The following TSPAN5 variants were observed in gnomAD, a reference collection of about 807,000 sequenced individuals.
TSPAN5 encodes tetraspanin 5.
TSPAN5 carries 10 observed loss-of-function variants against 37.1 expected under a neutral mutation model. That is an observed-to-expected ratio of 0.27 (90% CI 0.17 to 0.46). TSPAN5 has a LOEUF of 0.46. Among genes scored for constraint, TSPAN5 ranks in the 20% least tolerant of loss-of-function variants. The probability of loss-of-function intolerance (pLI) is 1.00; values close to 1 mark genes in which losing one functional copy is unlikely to be tolerated. For missense variants in TSPAN5, 195 were observed against 326.6 expected (o/e 0.60, Z 3.11); for synonymous variants, 110 against 118.9 (o/e 0.93, Z 0.48).
intron 2 of TSPAN5, among the ~76,000 whole-genome samples, chr4:98,504,210 G>C (rs1281402372): frequency 6.6e-6 from 1 of 152,094 alleles, no homozygotes; most frequent in Non-Finnish European, 1.5e-5. Context: ...CCAGTTTGGG[G>C]ATTTACCCTC....
chr4:98,626,886 G>GTTTTTTTTTT (rs34770397), intron 1 of TSPAN5, among the ~76,000 whole-genome samples: 2 of 83,482 alleles, frequency 2.4e-5, no homozygotes, highest in African/African-American at 5.0e-5. Flanking sequence ...ATGAGAGCAG[G>GTTTTTTTTTT]TTTTTTTTTT....
At chr4:98,502,474 C>G (rs930318378) in intron 2 of TSPAN5, among the ~76,000 whole-genome samples, 4 of 152,102 alleles carry the variant, frequency 2.6e-5, no homozygotes, top group Non-Finnish European at 5.9e-5. Context: ...TCCTGGAAGC[C>G]AAGTGAGGAA....
chr4:98,619,922 A>G (rs11946198), intron 1 of TSPAN5, among the ~76,000 whole-genome samples: 87,336 of 151,824 alleles, frequency 0.58, 26,498 homozygotes, highest in African/African-American at 0.77. Context: ...CACTAATCCA[A>G]TTTCACCCTT....
At chr4:98,598,526 G>T (rs1484922956) in intron 1 of TSPAN5, among the ~76,000 whole-genome samples, 1 of 151,842 alleles carries the variant, frequency 6.6e-6, no homozygotes, top group Non-Finnish European at 1.5e-5. Context: ...GTGCAGTGGC[G>T]CGGTCTGTGC....
At chr4:98,633,909 G>A (rs780319796) in intron 1 of TSPAN5, among the ~76,000 whole-genome samples, 5 of 151,854 alleles carry the variant, frequency 3.3e-5, no homozygotes, top group East Asian at 1.9e-4. Context: ...GAGAAACCTC[G>A]TCTCTACTAA....
intron 2 of TSPAN5, among the ~76,000 whole-genome samples, chr4:98,502,968 G>C (rs1753387499): frequency 6.6e-6 from 1 of 151,834 alleles, no homozygotes; most frequent in South Asian, 2.1e-4. Context: ...TGGCATGGTG[G>C]GGCAAAAGGA....
At chr4:98,608,328 C>G (rs1756088649) in intron 1 of TSPAN5, among the ~76,000 whole-genome samples, 1 of 152,258 alleles carries the variant, frequency 6.6e-6, no homozygotes, top group South Asian at 2.1e-4. Context: ...GATGTGTACC[C>G]TCACACAATG....
At chr4:98,531,685 T>C (rs1754093869) in intron 1 of TSPAN5, among the ~76,000 whole-genome samples, 1 of 152,192 alleles carries the variant, frequency 6.6e-6, no homozygotes. Context: ...CCACCAACAG[T>C]GTAAAAGCAT....
chr4:98,509,932 C>G (rs1353990897), intron 1 of TSPAN5: 2 of 152,214 alleles, frequency 1.3e-5, no homozygotes, highest in Admixed American at 6.5e-5. Context: ...AGTGAAATGG[C>G]TGACTTTCCA....
At chr4:98,646,067 A>G (rs1053892955) in intron 1 of TSPAN5, among the ~76,000 whole-genome samples, 2 of 151,984 alleles carry the variant, frequency 1.3e-5, no homozygotes, top group African/African-American at 4.8e-5. Context: ...TGGAAATGTG[A>G]CAGCCCACGT....
chr4:98,476,610 T>G (rs1268321132), intron 5 of TSPAN5, 150 bp from the exon 6 acceptor site: 1 of 671,274 alleles, frequency 1.5e-6, no homozygotes, highest in East Asian at 2.7e-5. Context: ...TTTATATACA[T>G]GATCCCATGT....
At chr4:98,630,420 ATG>A (rs1409188121) in intron 1 of TSPAN5, among the ~76,000 whole-genome samples, 1 of 152,162 alleles carries the variant, frequency 6.6e-6, no homozygotes, top group African/African-American at 2.4e-5. Flanking sequence ...CTTCTCGTTT[ATG>A]TGTGTATTTA....
chr4:98,487,249 A>G (rs1429079130), intron 2 of TSPAN5, among the ~76,000 whole-genome samples: 1 of 151,834 alleles, frequency 6.6e-6, no homozygotes, highest in Non-Finnish European at 1.5e-5. Flanking sequence ...AAAAAAAAAA[A>G]AAAAAGAAAA....
chr4:98,545,456 C>T (rs79340801), intron 1 of TSPAN5, among the ~76,000 whole-genome samples: 1 of 152,066 alleles, frequency 6.6e-6, no homozygotes, highest in Admixed American at 6.5e-5. Flanking sequence ...TATCTAGCTG[C>T]AATATATATA....
chr4:98,631,534 A>T (rs538877899), intron 1 of TSPAN5, among the ~76,000 whole-genome samples: 9 of 151,946 alleles, frequency 5.9e-5, no homozygotes, highest in Admixed American at 2.6e-4. Context: ...CTGGGCCTCC[A>T]CGAGTCTTAG....
intron 1 of TSPAN5, among the ~76,000 whole-genome samples, chr4:98,582,043 T>C (rs539292708): frequency 6.6e-6 from 1 of 152,278 alleles, no homozygotes; most frequent in African/African-American, 2.4e-5. Flanking sequence ...TCCCGGCCCA[T>C]CTCTTGTGGG....
At position 98,550,606 on chromosome 4, in the gene TSPAN5, GGTT is replaced by G. The variant is rs1446977047; in HGVS notation, c.82-42881_82-42879del. On this transcript the variant is annotated intron_variant, in intron 1 of 7. Transcript: ENST00000305798. The stretch of plus-strand genomic sequence containing the variant: ...CCTTGTTTAAATATATTCCCAGCTG[GGTT>G]TTTTTTTTTTTTTTTCTGGTAGCTA... 7.8e-5 allele frequency among the ~76,000 whole-genome samples: 6 copies of G among 76,484 alleles called. No individual in the cohort carries two copies. In the South Asian group the frequency reaches 2.6e-3, roughly 34 times the overall value. 50.2% of individuals were successfully genotyped at this position (76,484 alleles called of 152,430 possible). A position where few individuals can be genotyped will look rare whatever the true frequency, so the allele number is the denominator to read the frequency against.
rs371025192 is a variant in TSPAN5, at chr4:98,658,095, C to A, written c.81+51G>T. 58 of 1,512,218 alleles carry A rather than the reference C, an allele frequency of 3.8e-5. No individual in the cohort carries two copies. In the African/African-American group the frequency reaches 7.4e-4, roughly 19 times the overall value. 93.7% of individuals were successfully genotyped at this position (1,512,218 alleles called of 1,614,324 possible). Reference sequence around the variant, plus strand: ...CAACGAACAACGTGGGGGAAATCGTCGCGAATCGATCGGCCACAATAGTTG... The same window carrying A: ...CAACGAACAACGTGGGGGAAATCGTAGCGAATCGATCGGCCACAATAGTTG... On this transcript the variant is annotated intron_variant, in intron 1 of 7. Transcript: ENST00000305798.
rs115132970 is a variant in TSPAN5 at position 98,609,594 on chromosome 4, C to G, written c.81+48552G>C. Among the ~76,000 whole-genome samples the G allele has an allele frequency of 6.4e-3, 968 of 152,290 alleles. 9 individuals carry two copies. The highest frequency in any genetic ancestry group is 0.02 in the African/African-American group (841 of 41,540). On this transcript the variant is annotated intron_variant, in intron 1 of 7. Transcript: ENST00000305798. Reference sequence around the variant, plus strand: ...ACGAGCACTGTCCTGAATACAGTCTCCAGCCTCTCGTGTCCAGGTGCAGGT... The same window carrying G: ...ACGAGCACTGTCCTGAATACAGTCTGCAGCCTCTCGTGTCCAGGTGCAGGT...
Sources: gnomAD v4.1 joint callset for allele counts (sites outside exome capture counted in the v4.1 genomes callset) on GRCh38, gnomAD v4.1.1 for gene constraint, MANE v1.5 for transcripts, NCBI Gene and HGNC (gene_info 2026-07-23, HGNC 2026-07-21) for gene names.